RAB3GAP1: variants seen among roughly 807,000 people sequenced by gnomAD.
RAB3GAP1 encodes rab3 GTPase-activating protein catalytic subunit.
In RAB3GAP1, 86 loss-of-function variants were observed where a neutral mutation model predicts 130.7. The ratio of observed to expected loss-of-function variants is 0.66; its 90% CI spans 0.55 to 0.79. RAB3GAP1 has a LOEUF of 0.79. Ranked by LOEUF, RAB3GAP1 falls within the 30% of genes least tolerant of loss-of-function variation. The pLI is 0.00. For missense variants in RAB3GAP1, 1,029 were observed against 1,169.4 expected (o/e 0.88, Z 1.75); for synonymous variants, 367 against 401.7 (o/e 0.91, Z 1.03).
rs12104439 is a variant in RAB3GAP1, at chr2:135,058,236, A to T, written c.150+150A>T. 6,307 of 701,016 alleles carry T rather than the reference A, an allele frequency of 9.0e-3. 246 individuals carry two copies. The African/African-American group carries it at 0.094, about 10-fold the overall frequency. The allele number at this position is 701,016 out of a possible 1,614,324, so 43.4% of individuals were successfully genotyped here. The stretch of plus-strand genomic sequence containing the variant: ...TCAAATAGCATTTGGAAGAATTTGG[A>T]TTTAAATCTGTGGCAAATGATATAT... On this transcript the variant is annotated intron_variant, in intron 3 of 23. Coordinates refer to ENST00000264158, the MANE Select transcript of RAB3GAP1 (RefSeq NM_012233.3).
intron 8 of RAB3GAP1, 63 bp downstream of exon 8, chr2:135,120,981 A>C: frequency 8.7e-7 from 1 of 1,155,158 alleles, no homozygotes; most frequent in Non-Finnish European, 1.3e-6. Flanking sequence ...ATACATTCAG[A>C]AATTAAAATT....
intron 3 of RAB3GAP1, among the ~76,000 whole-genome samples, chr2:135,084,029 G>A (rs1055795173): frequency 6.6e-6 from 1 of 152,056 alleles, no homozygotes; most frequent in Non-Finnish European, 1.5e-5. Flanking sequence ...TGAATCATCT[G>A]AGGTTAGGAG....
chr2:135,135,542 A>G, intron 16 of RAB3GAP1, 22 bp from the exon 17 acceptor site: 1 of 1,567,992 alleles, frequency 6.4e-7, no homozygotes, highest in Non-Finnish European at 8.7e-7. Flanking sequence ...TCAACTATAA[A>G]TGTTATTTCT....
At chr2:135,088,178 C>T (rs967869920) in intron 3 of RAB3GAP1, among the ~76,000 whole-genome samples, 12 of 152,030 alleles carry the variant, frequency 7.9e-5, no homozygotes, top group African/African-American at 2.2e-4. Flanking sequence ...AGATTTACTG[C>T]AAACTTGAAA....
chr2:135,102,311 G>C (rs1690469863), intron 5 of RAB3GAP1, among the ~76,000 whole-genome samples: 1 of 152,190 alleles, frequency 6.6e-6, no homozygotes, highest in Non-Finnish European at 1.5e-5. Context: ...AACTGGAATG[G>C]GTTCTGCGCT....
chr2:135,135,999 G>T, intron 17 of RAB3GAP1, 67 bp downstream of exon 17: 1 of 1,579,636 alleles, frequency 6.3e-7, no homozygotes, highest in African/African-American at 1.3e-5. Context: ...CCTAGTAGAA[G>T]ATAGTGCTTT....
chr2:135,103,950 T>C (rs1190619521), intron 5 of RAB3GAP1, among the ~76,000 whole-genome samples: 1 of 152,154 alleles, frequency 6.6e-6, no homozygotes, highest in Non-Finnish European at 1.5e-5. Flanking sequence ...AAACTACATA[T>C]ATGCAGGAGA....
At position 135,120,914 on chromosome 2, in the gene RAB3GAP1, T is replaced by A. The variant is rs1371955862; in HGVS notation, c.744T>A (p.Pro248=). ...DWQQYFWPQQ[P]PDIDALVGGE... is the part of the protein sequence containing the mutation. ...AGCAGTATTTTTGGCCTCAGCAACC[T>A]CCAGGTGAGATCATTTAGAACTATA... is the stretch of plus-strand genomic sequence containing the variant. Residue 248 remains proline, a synonymous_variant, in exon 8 of 24, where the codon CCT becomes CCA. Coordinates refer to ENST00000264158, the MANE Select transcript of RAB3GAP1 (RefSeq NM_012233.3). 6.3e-7 allele frequency: 1 copy of A among 1,575,588 alleles called. No homozygotes were observed. Among genetic ancestry groups the A allele is most frequent in the Admixed American group, 1.7e-5 (1 of 59,970 alleles).
chr2:135,118,824 TCA>T (rs757701407), intron 7 of RAB3GAP1, among the ~76,000 whole-genome samples: 5 of 152,070 alleles, frequency 3.3e-5, no homozygotes, highest in Non-Finnish European at 5.9e-5. Flanking sequence ...TTTTTTCCCC[TCA>T]CACAATAACC....
intron 2 of RAB3GAP1, among the ~76,000 whole-genome samples, chr2:135,056,030 G>T (rs1186764999): frequency 6.6e-6 from 1 of 151,446 alleles, no homozygotes; most frequent in African/African-American, 2.4e-5. Flanking sequence ...TAGTGGCGGG[G>T]TTTCACTGTG....
intron 2 of RAB3GAP1, among the ~76,000 whole-genome samples, chr2:135,054,241 T>C (rs1273429582): frequency 1.3e-5 from 2 of 152,190 alleles, no homozygotes; most frequent in African/African-American, 2.4e-5. Context: ...ATTTTGCTTG[T>C]GTAACACGGT....
intron 6 of RAB3GAP1, among the ~76,000 whole-genome samples, chr2:135,114,628 C>A (rs146167471): frequency 1.1e-3 from 169 of 152,236 alleles, no homozygotes; most frequent in Middle Eastern, 6.8e-3. Flanking sequence ...AATACATAAC[C>A]TTCTTTTATG....
At chr2:135,074,669 A>G (rs1343059305) in intron 3 of RAB3GAP1, among the ~76,000 whole-genome samples, 1 of 152,208 alleles carries the variant, frequency 6.6e-6, no homozygotes, top group Non-Finnish European at 1.5e-5. Context: ...TGGGCCACCA[A>G]AATGTTGCAG....
chr2:135,110,322 A>C (rs1446836709), intron 5 of RAB3GAP1, among the ~76,000 whole-genome samples: 2 of 151,844 alleles, frequency 1.3e-5, no homozygotes, highest in African/African-American at 2.4e-5. Context: ...TTTTGTAGAG[A>C]GTGGGTCTTG....
intron 14 of RAB3GAP1, among the ~76,000 whole-genome samples, chr2:135,133,507 TTAGA>T (rs946862088): frequency 6.6e-6 from 1 of 152,140 alleles, no homozygotes; most frequent in African/African-American, 2.4e-5. Flanking sequence ...CATTTTCAGT[TTAGA>T]TAGTTATGAT....
At chr2:135,141,224 A>ACTT (rs202046357) in intron 17 of RAB3GAP1, among the ~76,000 whole-genome samples, 13,091 of 129,534 alleles carry the variant, frequency 0.1, 1,530 homozygotes, top group African/African-American at 0.3. Flanking sequence ...CTATTCACTT[A>ACTT]CTTCTTTTTT....
At chr2:135,057,315 C>T (rs369531031) in intron 2 of RAB3GAP1, among the ~76,000 whole-genome samples, 2 of 151,942 alleles carry the variant, frequency 1.3e-5, no homozygotes, top group African/African-American at 2.4e-5. Flanking sequence ...GGGGGTAAAT[C>T]GGAATTCCTA....
chr2:135,154,419 C>G (rs563499313), intron 19 of RAB3GAP1, among the ~76,000 whole-genome samples: 2 of 152,196 alleles, frequency 1.3e-5, no homozygotes, highest in African/African-American at 2.4e-5. Context: ...CCTCCTCCAC[C>G]CCCCCAAGAA....
intron 12 of RAB3GAP1, 57 bp downstream of exon 12, chr2:135,130,144 A>G: frequency 7.2e-7 from 1 of 1,383,484 alleles, no homozygotes; most frequent in Non-Finnish European, 1.0e-6. Flanking sequence ...TTTCCTTGGC[A>G]CATTTTTCAG....
Sources: allele counts gnomAD v4.1 joint callset (sites outside exome capture counted in the v4.1 genomes callset), GRCh38; gene constraint gnomAD v4.1.1; transcripts MANE v1.5; gene names NCBI Gene and HGNC (gene_info 2026-07-23, HGNC 2026-07-21).